ULK4: variants seen among roughly 807,000 people sequenced by gnomAD.
ULK4 encodes the protein inactive serine/threonine-protein kinase ULK4.
Under a neutral mutation model 160.6 loss-of-function variants are expected in ULK4, and 133 were observed. That is an observed-to-expected ratio of 0.83 (90% confidence interval 0.72 to 0.96). The LOEUF is 0.96. Ranked by LOEUF, ULK4 falls within the 40% of genes least tolerant of loss-of-function variation. ULK4 has a pLI of 0.00. For synonymous variants in ULK4, 534 were observed against 539.8 expected, an observed-to-expected ratio of 0.99 and a Z score of 0.15; for missense variants, 1,580 against 1,499.5, an observed-to-expected ratio of 1.05 and a Z score of -0.89.
At chr3:41,642,173 C>A (rs532179314) in intron 30 of ULK4, among the ~76,000 whole-genome samples, 14 of 152,074 alleles carry the variant, frequency 9.2e-5, no homozygotes, top group Admixed American at 5.9e-4. Context: ...TGCGCCCAGC[C>A]AATACGTAAC....
At chr3:41,524,462 G>C (rs543688377) in intron 32 of ULK4, among the ~76,000 whole-genome samples, 1 of 152,222 alleles carries the variant, frequency 6.6e-6, no homozygotes, top group South Asian at 2.1e-4. Context: ...TGGCCAACTA[G>C]GAGTTCAAAA....
intron 35 of ULK4, among the ~76,000 whole-genome samples, chr3:41,347,553 T>TTA (rs1491203005): frequency 3.0e-4 from 46 of 151,976 alleles, no homozygotes; most frequent in African/African-American, 1.0e-3. Flanking sequence ...CTTTCCTCTC[T>TTA]TATATATATA....
intron 33 of ULK4, among the ~76,000 whole-genome samples, chr3:41,460,850 G>C (rs551046758): frequency 2.0e-5 from 3 of 152,172 alleles, no homozygotes; most frequent in Admixed American, 2.0e-4. Flanking sequence ...CCGCAGAGTG[G>C]TGACCACATC....
chr3:41,698,330 T>C (rs2036565473), intron 27 of ULK4, among the ~76,000 whole-genome samples: 1 of 152,178 alleles, frequency 6.6e-6, no homozygotes, highest in Admixed American at 6.5e-5. Flanking sequence ...TATAGCTACA[T>C]TGCCCAAGCT....
intron 31 of ULK4, among the ~76,000 whole-genome samples, chr3:41,606,507 A>G (rs1252316839): frequency 6.6e-6 from 1 of 152,012 alleles, no homozygotes. Context: ...TTCCTGGATC[A>G]TATAGTAGTT....
Position 41,681,819 on chromosome 3 carries a change from G to A in ULK4, c.2782-15C>T, listed in dbSNP as rs909732455. On this transcript the variant is annotated splice_polypyrimidine_tract_variant and intron_variant, in intron 27 of 36. Transcript: ENST00000301831. ...TAGTCAACAACCTAAAAGAAAGCAT[G>A]TAAAAGACTCAGAATCTCTATGAAC... The A allele has an allele frequency of 1.2e-6, 2 of 1,613,532 alleles. No individual in the cohort carries two copies. Among genetic ancestry groups the A allele is most frequent in the Admixed American group, 3.3e-5 (2 of 59,966 alleles).
At chr3:41,708,944 A>G (rs1159942793) in intron 25 of ULK4, among the ~76,000 whole-genome samples, 1 of 152,238 alleles carries the variant, frequency 6.6e-6, no homozygotes, top group South Asian at 2.1e-4. Context: ...AATGCAACCT[A>G]TGTTTTTTAA....
At chr3:41,575,349 T>C (rs2125619985) in intron 31 of ULK4, among the ~76,000 whole-genome samples, 1 of 152,094 alleles carries the variant, frequency 6.6e-6, no homozygotes, top group East Asian at 1.9e-4. Flanking sequence ...GTGCAGCAGG[T>C]AAACAGCCCC....
At chr3:41,370,809 T>C (rs1364294957) in intron 35 of ULK4, among the ~76,000 whole-genome samples, 1 of 152,086 alleles carries the variant, frequency 6.6e-6, no homozygotes, top group Non-Finnish European at 1.5e-5. Flanking sequence ...TTCACTACCC[T>C]GAAAAGGGGG....
At chr3:41,956,630 A>T (rs761383832) in intron 1 of ULK4, among the ~76,000 whole-genome samples, 1 of 152,230 alleles carries the variant, frequency 6.6e-6, no homozygotes, top group Non-Finnish European at 1.5e-5. Flanking sequence ...GAAGTAAAAG[A>T]GAAAACAAGT....
intron 31 of ULK4, among the ~76,000 whole-genome samples, chr3:41,598,760 A>G (rs2031861263): frequency 6.6e-6 from 1 of 151,990 alleles, no homozygotes; most frequent in South Asian, 2.1e-4. Flanking sequence ...GATTACTTAC[A>G]TGGTAGGCTT....
At chr3:41,280,908 G>A (rs933631491) in intron 35 of ULK4, among the ~76,000 whole-genome samples, 5 of 152,064 alleles carry the variant, frequency 3.3e-5, no homozygotes, top group East Asian at 1.9e-4. Flanking sequence ...TAGACTGCTC[G>A]CAAGACTAAT....
In ULK4 at chr3:41,896,872, C is replaced by G. The variant is rs72864585; in HGVS notation, c.1480G>C (p.Val494Leu). Residue 494 changes from valine (V) to leucine (L), a missense_variant, in exon 15 of 37, where the codon GTG becomes CTG. Transcript: ENST00000301831. ...GCCACCTCCTGGTGACCAGCCACCA[C>G]GCACAAATAGCAAAGGAGATTCAGC... ...AKLNLLCYLCVVAGHQEVATR... is the reference protein window; with the variant it reads ...AKLNLLCYLCLVAGHQEVATR... 260 of 1,613,392 alleles carry G rather than the reference C, an allele frequency of 1.6e-4. 1 individual carries two copies. In the African/African-American group the frequency reaches 3.1e-3, roughly 19 times the overall value.
intron 31 of ULK4, among the ~76,000 whole-genome samples, chr3:41,576,689 T>C (rs2088200928): frequency 6.6e-6 from 1 of 152,214 alleles, no homozygotes; most frequent in Non-Finnish European, 1.5e-5. Flanking sequence ...TTTCCCAAAA[T>C]GCTTTCAGTT....
intron 35 of ULK4, among the ~76,000 whole-genome samples, chr3:41,367,983 C>A (rs1365882021): frequency 6.6e-6 from 1 of 151,978 alleles, no homozygotes; most frequent in Non-Finnish European, 1.5e-5. Context: ...GAAGACATTA[C>A]TTTCTTCTTT....
At chr3:41,764,211 A>G (rs1384074920) in intron 21 of ULK4, among the ~76,000 whole-genome samples, 1 of 152,234 alleles carries the variant, frequency 6.6e-6, no homozygotes, top group Non-Finnish European at 1.5e-5. Flanking sequence ...ATGTTTATGT[A>G]TATTTAAATA....
intron 31 of ULK4, among the ~76,000 whole-genome samples, chr3:41,606,010 A>G (rs2032365966): frequency 6.6e-6 from 1 of 152,106 alleles, no homozygotes; most frequent in African/African-American, 2.4e-5. Flanking sequence ...AACCAAAGAT[A>G]AAATCACAAG....
intron 35 of ULK4, among the ~76,000 whole-genome samples, chr3:41,372,562 A>C (rs1320086607): frequency 6.6e-6 from 1 of 152,214 alleles, no homozygotes; most frequent in African/African-American, 2.4e-5. Context: ...TAAAGGAGAA[A>C]TAAAATCCTT....
intron 17 of ULK4, among the ~76,000 whole-genome samples, chr3:41,860,030 T>A (rs1157265539): frequency 6.6e-6 from 1 of 152,108 alleles, no homozygotes; most frequent in Non-Finnish European, 1.5e-5. Context: ...TTACTTTCCA[T>A]GTATTTGTAA....
Sources: gnomAD v4.1 joint callset for allele counts (sites outside exome capture counted in the v4.1 genomes callset) on GRCh38, gnomAD v4.1.1 for gene constraint, MANE v1.5 for transcripts, NCBI Gene and HGNC (gene_info 2026-07-23, HGNC 2026-07-21) for gene names.